The following DNAH9 variants were observed in gnomAD, a reference collection of about 807,000 sequenced individuals.
The protein encoded by DNAH9 is dynein axonemal heavy chain 9.
Under a neutral mutation model 471.6 loss-of-function variants are expected in DNAH9, and 345 were observed. That is an observed-to-expected ratio of 0.73 (90% CI 0.67 to 0.80). The LOEUF (loss-of-function observed/expected upper bound fraction) is 0.80, where lower values mean the gene tolerates loss of function less well. DNAH9 is among the 30% of genes least tolerant of loss of function. The probability of loss-of-function intolerance (pLI) is 0.00; values close to 1 mark genes in which losing one functional copy is unlikely to be tolerated. For synonymous variants in DNAH9, 2,093 were observed against 2,123.6 expected (o/e 0.99, Z 0.40); for missense variants, 5,407 against 5,609.2 (o/e 0.96, Z 1.15).
intron 59 of DNAH9, among the ~76,000 whole-genome samples, chr17:11,898,741 A>G (rs1973303170): frequency 6.6e-6 from 1 of 152,208 alleles, no homozygotes; most frequent in Admixed American, 6.5e-5. Context: ...CTCTGTTCGT[A>G]TTACCCCACA....
intron 48 of DNAH9, 57 bp from the exon 49 acceptor site, chr17:11,834,581 G>A (rs1159456851): frequency 1.8e-5 from 28 of 1,597,988 alleles, no homozygotes; most frequent in Non-Finnish European, 2.2e-5. Flanking sequence ...GACTAGTCCA[G>A]TGCCCACAGT....
chr17:11,854,087 C>G lies in DNAH9; in HGVS notation c.9592C>G (p.Pro3198Ala). 6.2e-7 allele frequency: 1 copy of G among 1,614,120 alleles called. No homozygotes were observed. The highest frequency in any genetic ancestry group is 8.5e-7 in the Non-Finnish European group (1 of 1,180,018). Residue 3198 changes from proline to alanine, a missense_variant, in exon 50 of 69, where the codon CCC becomes GCC. By Grantham distance (27) the Pro-to-Ala change is conservative. Transcript: ENST00000262442. ...VSAAVMVLMA[P>A]RGRVPKDRSW... Reference sequence around the variant, plus strand: ...CGCTGCGGTGATGGTACTGATGGCTCCCAGGGGTAGGGTGCCCAAGGACCG... The same window carrying G: ...CGCTGCGGTGATGGTACTGATGGCTGCCAGGGGTAGGGTGCCCAAGGACCG...
rs746472005 is a variant in DNAH9, at chr17:11,690,371, CGAACATGGACTCACCTG to C, written c.4553_4569del (p.Thr1518LysfsTer7). Reference sequence around the variant, plus strand: ...CATCTCTATCTGGTTTGAAGTGCAGCGAACATGGACTCACCTGGAAAGCATATTCACTGGATCTGAAG... The same window carrying C: ...CATCTCTATCTGGTTTGAAGTGCAGCGAAAGCATATTCACTGGATCTGAAG... On this transcript the variant is annotated frameshift_variant, in exon 20 of 69. Transcript: ENST00000262442. LOFTEE classifies it high-confidence loss of function. 2.5e-6 allele frequency: 4 copies of C among 1,614,082 alleles called. No homozygotes were observed. In the East Asian group the frequency reaches 8.9e-5, roughly 36 times the overall value.
In DNAH9 at chr17:11,810,277, G is replaced by A. The variant is rs1969846927; in HGVS notation, c.8615G>A (p.Gly2872Glu). ...CTGGCCAGCCTGTGTCTGAAAGCTGGAGTGAAGAATCTCAACACAGTGTTT... is the reference window on the plus strand; with the variant it reads ...CTGGCCAGCCTGTGTCTGAAAGCTGAAGTGAAGAATCTCAACACAGTGTTT... ...MDLASLCLKA[G>E]VKNLNTVFLM... is the part of the protein sequence containing the mutation. Residue 2872 changes from glycine (G) to glutamate (E), a missense_variant, in exon 45 of 69, where the codon GGA (glycine) becomes GAA (glutamate). Physicochemically the swap from Gly to Glu is moderately conservative, Grantham distance 98. Around this residue, in one of 3 missense-constraint regions of DNAH9, gnomAD observed 4,636 missense variants for 4,900.3 expected, o/e 0.95. Transcript: ENST00000262442. 1 of 1,613,428 alleles carries A rather than the reference G, an allele frequency of 6.2e-7. No individual in the cohort carries two copies. The highest frequency in any genetic ancestry group is 8.5e-7 in the Non-Finnish European group (1 of 1,179,734).
intron 24 of DNAH9, among the ~76,000 whole-genome samples, chr17:11,703,242 T>C (rs1487731676): frequency 1.3e-5 from 2 of 152,128 alleles, no homozygotes; most frequent in Non-Finnish European, 2.9e-5. Flanking sequence ...GAACATCCTC[T>C]CAAGTTATCC....
In DNAH9 at chr17:11,937,252, G is replaced by A. The variant is rs187420521; in HGVS notation, c.12490-100G>A. On this transcript the variant is annotated intron_variant, in intron 65 of 68. Transcript: ENST00000262442. The surrounding 1 kb of genome is among the most constrained non-coding windows in gnomAD (Gnocchi z 4.1). ...ATGGTGAGCAGTGTCCCCTGGAGGA[G>A]GGATACTAGCCCATGGACTCCCTGC... 143 of 1,409,320 alleles carry A rather than the reference G, an allele frequency of 1.0e-4. 1 individual carries two copies. The African/African-American group carries it at 1.8e-3, about 18-fold the overall frequency. The allele number at this position is 1,409,320 out of a possible 1,614,324, so 87.3% of individuals were successfully genotyped here. A position where few individuals can be genotyped will look rare whatever the true frequency, so the allele number is the denominator to read the frequency against.
intron 59 of DNAH9, among the ~76,000 whole-genome samples, chr17:11,898,738 C>A (rs1314316671): frequency 2.0e-5 from 3 of 152,152 alleles, no homozygotes; most frequent in African/African-American, 7.2e-5. Flanking sequence ...TGCCTCTGTT[C>A]GTATTACCCC....
intron 15 of DNAH9, 111 bp downstream of exon 15, chr17:11,665,079 G>T: frequency 1.1e-6 from 1 of 936,556 alleles, no homozygotes. Flanking sequence ...CCAAAACGTT[G>T]TAGACCTTTT....
intron 6 of DNAH9, among the ~76,000 whole-genome samples, chr17:11,622,794 C>G (rs1444654141): frequency 6.6e-6 from 1 of 152,096 alleles, no homozygotes; most frequent in African/African-American, 2.4e-5. Context: ...CTTTCTGAAT[C>G]AAGGGCACAG....
At position 11,875,119 on chromosome 17, in the gene DNAH9, A is replaced by C. The variant is rs748926499; in HGVS notation, c.10413A>C (p.Gln3471His). 1 of 1,614,178 alleles carries C rather than the reference A, an allele frequency of 6.2e-7. No homozygotes were observed. Among genetic ancestry groups the C allele is most frequent in the East Asian group, 2.2e-5 (1 of 44,882 alleles). ...RWPLMVDPQL[Q>H]GIKWIKNKYG... ...CACTCATGGTTGACCCTCAGCTACA[A>C]GGCATCAAATGGATCAAGAATAAAT... The change falls in exon 53 of 69, where the codon CAA (glutamine) becomes CAC (histidine). Residue 3471 changes from glutamine (Q) to histidine (H), a missense_variant. By Grantham distance (24) the Gln-to-His change is conservative (BLOSUM62 0). This residue lies in a region of DNAH9 where 4,636 missense variants were observed against 4,900.3 expected (regional missense o/e 0.95). Coordinates refer to ENST00000262442, the MANE Select transcript of DNAH9 (RefSeq NM_001372.4).
intron 56 of DNAH9, 22 bp downstream of exon 56, chr17:11,883,772 T>G: frequency 6.2e-7 from 1 of 1,609,016 alleles, no homozygotes; most frequent in East Asian, 2.2e-5. Context: ...CTGGCTAGTC[T>G]GGGAAGGCAG....
chr17:11,645,410 G>GGA (rs1241146845), intron 11 of DNAH9, among the ~76,000 whole-genome samples: 1 of 152,148 alleles, frequency 6.6e-6, no homozygotes, highest in African/African-American at 2.4e-5. Context: ...ACAAGAGACT[G>GGA]GAACTTCTCC....
intron 27 of DNAH9, among the ~76,000 whole-genome samples, chr17:11,726,275 G>T (rs1188249517): frequency 1.3e-5 from 2 of 151,990 alleles, no homozygotes; most frequent in East Asian, 3.9e-4. Flanking sequence ...ACCAATAATT[G>T]CCAGAGTGCA....
At chr17:11,778,504 G>A (rs543309154) in intron 38 of DNAH9, among the ~76,000 whole-genome samples, 15 of 152,032 alleles carry the variant, frequency 9.9e-5, no homozygotes, top group Admixed American at 9.2e-4. Context: ...CCACTGGAGG[G>A]CATAAAACAG....
At chr17:11,760,527 A>ATT (rs1339696019) in intron 35 of DNAH9, among the ~76,000 whole-genome samples, 11 of 148,324 alleles carry the variant, frequency 7.4e-5, no homozygotes, top group African/African-American at 2.7e-4. Flanking sequence ...TTTTATTTTT[A>ATT]TTTTTTTTTT....
intron 49 of DNAH9, among the ~76,000 whole-genome samples, chr17:11,838,898 C>A (rs368037200): frequency 6.6e-6 from 1 of 152,292 alleles, no homozygotes; most frequent in East Asian, 1.9e-4. Flanking sequence ...AGGACCATTT[C>A]TCTGTTTTCT....
intron 20 of DNAH9, 112 bp downstream of exon 20, chr17:11,690,548 CTT>C: frequency 9.4e-7 from 1 of 1,068,640 alleles, no homozygotes; most frequent in Non-Finnish European, 1.3e-6. Flanking sequence ...CTTGCTTTGA[CTT>C]TACTTAAAGG....
At chr17:11,853,970 T>C (rs1971527038) in intron 49 of DNAH9, 33 bp from the exon 50 acceptor site, 2 of 1,599,912 alleles carry the variant, frequency 1.3e-6, no homozygotes, top group Non-Finnish European at 1.7e-6. Flanking sequence ...AGCCCATTCA[T>C]GTTCCCCTAA....
chr17:11,848,754 T>C (rs181823542), intron 49 of DNAH9, among the ~76,000 whole-genome samples: 3 of 152,260 alleles, frequency 2.0e-5, no homozygotes, highest in East Asian at 3.9e-4. Flanking sequence ...TTTCAGAAAT[T>C]AGATAAATTT....
Sources: gnomAD v4.1 joint callset for allele counts (sites outside exome capture counted in the v4.1 genomes callset) on GRCh38, gnomAD v4.1.1 for gene constraint, gnomAD v4.1.1 regional missense constraint, Gnocchi (gnomAD v3.1) non-coding constraint, MANE v1.5 for transcripts, NCBI Gene and HGNC (gene_info 2026-07-23, HGNC 2026-07-21) for gene names.